The following NARS2 variants were observed in gnomAD, a reference collection of about 807,000 sequenced individuals.
The protein encoded by NARS2 is asparaginyl-tRNA synthetase 2, mitochondrial.
A neutral mutation model predicts 62.9 loss-of-function variants in NARS2; 60 were observed. That is an observed-to-expected ratio of 0.95 (90% CI 0.77 to 1.18). The LOEUF (loss-of-function observed/expected upper bound fraction) is 1.18, where lower values mean the gene tolerates loss of function less well. Ranked by LOEUF, NARS2 falls within the 50% of genes most tolerant of loss-of-function variation. The probability of loss-of-function intolerance (pLI) is 0.00; values close to 1 mark genes in which losing one functional copy is unlikely to be tolerated. For synonymous variants in NARS2, 196 were observed against 200.0 expected, an observed-to-expected ratio of 0.98 and a Z score of 0.17; for missense variants, 619 against 576.4, an observed-to-expected ratio of 1.07 and a Z score of -0.76.
intron 7 of NARS2, among the ~76,000 whole-genome samples, chr11:78,488,602 C>T (rs1036099111): frequency 2.6e-5 from 4 of 152,136 alleles, no homozygotes; most frequent in African/African-American, 7.2e-5. Context: ...GTTGTTTTAA[C>T]CCACCAGGTT....
intron 11 of NARS2, among the ~76,000 whole-genome samples, chr11:78,458,736 T>C (rs1858264137): frequency 6.6e-6 from 1 of 152,222 alleles, no homozygotes; most frequent in Non-Finnish European, 1.5e-5. Context: ...ACTAGGAATA[T>C]ACCGATGAAT....
intron 6 of NARS2, among the ~76,000 whole-genome samples, chr11:78,527,217 G>A (rs1340652000): frequency 2.6e-5 from 4 of 152,032 alleles, no homozygotes; most frequent in East Asian, 1.9e-4. Context: ...TAAATACAGA[G>A]GTCTTCAGAT....
At chr11:78,470,035 T>C (rs1321671430) in intron 9 of NARS2, among the ~76,000 whole-genome samples, 1 of 152,022 alleles carries the variant, frequency 6.6e-6, no homozygotes, top group African/African-American at 2.4e-5. Flanking sequence ...TGAGAAACAG[T>C]TTGGCTTGTT....
intron 5 of NARS2, among the ~76,000 whole-genome samples, chr11:78,534,430 A>AT (rs1177535767): frequency 1.3e-5 from 2 of 151,950 alleles, no homozygotes; most frequent in East Asian, 1.9e-4. Flanking sequence ...AGTAGCAGTT[A>AT]TTTTTTTTAG....
chr11:78,574,571 T>C lies in NARS2; in HGVS notation c.-83A>G, dbSNP rs1318294404. 3.5e-6 allele frequency: 5 copies of C among 1,448,208 alleles called. No homozygotes were observed. Among genetic ancestry groups the C allele is most frequent in the Middle Eastern group, 2.3e-4 (1 of 4,314 alleles). The allele number at this position is 1,448,208 out of a possible 1,614,324, so 89.7% of individuals were successfully genotyped here. Reference sequence around the variant, plus strand: ...CCTGCAGCGGCCCTCCTTTCTCAGCTGCTCCCCTTCCGCGGCCGCAGCTCT... The same window carrying C: ...CCTGCAGCGGCCCTCCTTTCTCAGCCGCTCCCCTTCCGCGGCCGCAGCTCT... On this transcript the variant is annotated 5_prime_UTR_variant, in exon 1 of 14. Transcript: ENST00000281038.
At chr11:78,503,878 T>C (rs1860381416) in intron 6 of NARS2, among the ~76,000 whole-genome samples, 1 of 152,188 alleles carries the variant, frequency 6.6e-6, no homozygotes, top group Non-Finnish European at 1.5e-5. Flanking sequence ...AAGAATGGCA[T>C]GCTCTGCCAT....
chr11:78,574,075 G>C (rs965349993), intron 1 of NARS2, among the ~76,000 whole-genome samples: 2 of 152,186 alleles, frequency 1.3e-5, no homozygotes, highest in African/African-American at 4.8e-5. Flanking sequence ...GATAGAGAAA[G>C]GGGGCTTGTT....
chr11:78,438,523 T>C (rs1460727184), intron 13 of NARS2, among the ~76,000 whole-genome samples: 1 of 152,188 alleles, frequency 6.6e-6, no homozygotes, highest in Non-Finnish European at 1.5e-5. Flanking sequence ...TTCTCATACA[T>C]TGATATTGAA....
chr11:78,465,104 GAGCCC>G (rs1565215455), intron 11 of NARS2, among the ~76,000 whole-genome samples: 1 of 152,206 alleles, frequency 6.6e-6, no homozygotes, highest in Non-Finnish European at 1.5e-5. Flanking sequence ...TGCAGGTCCC[GAGCCC>G]TGCCCCACGG....
chr11:78,451,008 C>T (rs930541662), intron 11 of NARS2, among the ~76,000 whole-genome samples: 2 of 152,112 alleles, frequency 1.3e-5, no homozygotes, highest in African/African-American at 2.4e-5. Flanking sequence ...CTCCATGTAA[C>T]ATTCTTCTTT....
intron 6 of NARS2, among the ~76,000 whole-genome samples, chr11:78,511,005 G>C (rs1031768831): frequency 1.1e-4 from 17 of 152,294 alleles, no homozygotes; most frequent in Middle Eastern, 3.4e-3. Flanking sequence ...CAGGGGTGGG[G>C]AAAGAGACTC....
intron 10 of NARS2, 21 bp from the exon 11 acceptor site, chr11:78,466,034 T>C (rs1197678327): frequency 6.4e-7 from 1 of 1,565,546 alleles, no homozygotes. Context: ...AAGAAAGAAA[T>C]GACCAAAAGA....
At chr11:78,464,307 T>G (rs1239553399) in intron 11 of NARS2, among the ~76,000 whole-genome samples, 2 of 152,028 alleles carry the variant, frequency 1.3e-5, no homozygotes, top group African/African-American at 4.8e-5. Context: ...GGAGCAAGAT[T>G]TATTGCAAAG....
chr11:78,448,220 A>G (rs1857831444), intron 11 of NARS2, among the ~76,000 whole-genome samples: 1 of 152,194 alleles, frequency 6.6e-6, no homozygotes, highest in South Asian at 2.1e-4. Context: ...GAACCAGACG[A>G]AACAAAACAA....
intron 7 of NARS2, 147 bp downstream of exon 7, chr11:78,492,916 T>C: frequency 1.6e-6 from 1 of 628,892 alleles, no homozygotes; most frequent in Non-Finnish European, 2.7e-6. Flanking sequence ...ACTATTACAG[T>C]AAAGGCATTC....
intron 7 of NARS2, among the ~76,000 whole-genome samples, chr11:78,487,544 T>TA (rs1209364207): frequency 2.6e-5 from 4 of 151,540 alleles, no homozygotes; most frequent in Admixed American, 2.0e-4. Flanking sequence ...AAAAAATACG[T>TA]AAAGAAATAA....
chr11:78,437,126 T>C (rs990807731), intron 13 of NARS2, among the ~76,000 whole-genome samples: 3 of 152,250 alleles, frequency 2.0e-5, no homozygotes, highest in Non-Finnish European at 4.4e-5. Flanking sequence ...AAATTTTCTA[T>C]AGATTTACTA....
chr11:78,459,398 G>A (rs1443032181), intron 11 of NARS2, among the ~76,000 whole-genome samples: 2 of 150,988 alleles, frequency 1.3e-5, no homozygotes, highest in East Asian at 3.9e-4. Flanking sequence ...AGCCTCCCAA[G>A]TAGCTGGGAT....
At chr11:78,477,499 C>T (rs928432207) in intron 9 of NARS2, among the ~76,000 whole-genome samples, 6 of 152,150 alleles carry the variant, frequency 3.9e-5, no homozygotes, top group Admixed American at 3.3e-4. Flanking sequence ...CCTGTTTGTT[C>T]TATCTCTAAA....
Sources: allele counts gnomAD v4.1 joint callset (sites outside exome capture counted in the v4.1 genomes callset), GRCh38; gene constraint gnomAD v4.1.1; transcripts MANE v1.5; gene names NCBI Gene and HGNC (gene_info 2026-07-23, HGNC 2026-07-21).